PPP2R3A: variants seen among roughly 807,000 people sequenced by gnomAD.
PPP2R3A encodes serine/threonine-protein phosphatase 2A regulatory subunit B'' subunit alpha.
In PPP2R3A, 80 loss-of-function variants were observed where a neutral mutation model predicts 106.9. That is an observed-to-expected ratio of 0.75 (90% confidence interval 0.62 to 0.90). The LOEUF is 0.90. Among genes scored for constraint, PPP2R3A ranks in the 40% least tolerant of loss-of-function variants. The pLI, the probability that PPP2R3A is intolerant of heterozygous loss-of-function variation, is 0.00. For synonymous variants in PPP2R3A, 483 were observed against 468.3 expected, an observed-to-expected ratio of 1.03 and a Z score of -0.41; for missense variants, 1,386 against 1,350.4, an observed-to-expected ratio of 1.03 and a Z score of -0.41.
At chr3:136,096,209 C>T (rs1439698995) in intron 10 of PPP2R3A, among the ~76,000 whole-genome samples, 1 of 152,120 alleles carries the variant, frequency 6.6e-6, no homozygotes, top group African/African-American at 2.4e-5. Flanking sequence ...TAAGTCAAAC[C>T]ATCATAAGTC....
intron 1 of PPP2R3A, among the ~76,000 whole-genome samples, chr3:135,968,436 G>A (rs1937151681): frequency 6.6e-6 from 1 of 152,254 alleles, no homozygotes; most frequent in East Asian, 1.9e-4. Context: ...TGAAGCTCAC[G>A]GGAACAATAT....
intron 13 of PPP2R3A, among the ~76,000 whole-genome samples, chr3:136,138,136 T>G (rs1938699563): frequency 6.6e-6 from 1 of 152,230 alleles, no homozygotes; most frequent in African/African-American, 2.4e-5. Flanking sequence ...GAATTATTTT[T>G]TAATGCTTAA....
chr3:135,978,780 A>G (rs1013357538), intron 1 of PPP2R3A, among the ~76,000 whole-genome samples: 1 of 151,866 alleles, frequency 6.6e-6, no homozygotes, highest in African/African-American at 2.4e-5. Flanking sequence ...GTTATTTTGG[A>G]TGCTATAATA....
chr3:136,046,414 G>A (rs990108077), intron 4 of PPP2R3A, among the ~76,000 whole-genome samples: 1 of 150,902 alleles, frequency 6.6e-6, no homozygotes, highest in Non-Finnish European at 1.5e-5. Context: ...AGGTTGCGCT[G>A]TTGCACTCCA....
chr3:136,103,285 G>T lies in PPP2R3A; in HGVS notation c.3131G>T (p.Arg1044Met). 2 of 1,606,448 alleles carry T rather than the reference G, an allele frequency of 1.2e-6. No individual in the cohort carries two copies. Among genetic ancestry groups the T allele is most frequent in the South Asian group, 1.1e-5 (1 of 90,448 alleles). ...DGKITLRDLKRCRMAHIFYDT... is the reference protein window; with the variant it reads ...DGKITLRDLKMCRMAHIFYDT... Reference sequence around the variant, plus strand: ...AAAATAACTCTAAGAGATCTGAAGAGGTGCAGAATGGCTCACATCTTCTAT... The same window carrying T: ...AAAATAACTCTAAGAGATCTGAAGATGTGCAGAATGGCTCACATCTTCTAT... Residue 1044 changes from arginine (R) to methionine (M), a missense_variant, in exon 12 of 14, where the codon AGG (arginine) becomes ATG (methionine). Physicochemically the swap from Arg to Met is moderately conservative, Grantham distance 91 (BLOSUM62 -1). Transcript: ENST00000264977.
chr3:136,084,705 G>T (rs140763745), intron 8 of PPP2R3A, among the ~76,000 whole-genome samples: 1 of 152,340 alleles, frequency 6.6e-6, no homozygotes, highest in East Asian at 1.9e-4. Context: ...CACAGGGGTG[G>T]ACCTGCCCAA....
At chr3:135,989,989 C>CT (rs1434418196) in intron 1 of PPP2R3A, among the ~76,000 whole-genome samples, 3 of 152,152 alleles carry the variant, frequency 2.0e-5, no homozygotes, top group Non-Finnish European at 4.4e-5. Context: ...GTGATCTTTG[C>CT]TTTCCTCTTT....
chr3:136,077,843 A>G (rs1936646483), intron 6 of PPP2R3A, among the ~76,000 whole-genome samples: 1 of 152,224 alleles, frequency 6.6e-6, no homozygotes, highest in African/African-American at 2.4e-5. Flanking sequence ...AATAAAAGTT[A>G]GGATATAAAT....
At chr3:136,116,932 T>C (rs1270456754) in intron 13 of PPP2R3A, among the ~76,000 whole-genome samples, 1 of 152,200 alleles carries the variant, frequency 6.6e-6, no homozygotes, top group Non-Finnish European at 1.5e-5. Context: ...CAACAGAATA[T>C]ACATTCTCCT....
chr3:135,971,659 G>A lies in PPP2R3A; in HGVS notation c.-441+5810G>A, dbSNP rs139364157. Among the ~76,000 whole-genome samples the A allele has an allele frequency of 1.3e-3, 194 of 152,296 alleles. No homozygotes were observed. The Middle Eastern group carries it at 0.014, about 11-fold the overall frequency. ...TGGTTTATCAGTTAGGTGGATGATG[G>A]TTAACTTCTGTATAAAGGATGACTT... On this transcript the variant is annotated intron_variant, in intron 1 of 13. Coordinates refer to ENST00000264977, the MANE Select transcript of PPP2R3A (RefSeq NM_002718.5).
intron 2 of PPP2R3A, among the ~76,000 whole-genome samples, chr3:136,007,600 G>A (rs995624306): frequency 6.6e-6 from 1 of 151,570 alleles, no homozygotes; most frequent in African/African-American, 2.4e-5. Flanking sequence ...ACTTTATTGT[G>A]GGGGCAGAAA....
intron 13 of PPP2R3A, among the ~76,000 whole-genome samples, chr3:136,136,071 AAATTAT>A (rs1559940256): frequency 0.021 from 492 of 23,456 alleles, 20 homozygotes; most frequent in Non-Finnish European, 0.077. Context: ...AAAAAAAAAA[AAATTAT>A]ATATATATAT....
intron 1 of PPP2R3A, among the ~76,000 whole-genome samples, chr3:136,000,643 T>C (rs1933587282): frequency 6.6e-6 from 1 of 152,128 alleles, no homozygotes; most frequent in Admixed American, 6.5e-5. Context: ...TGCAGGGACA[T>C]AGTAGAAAAT....
intron 2 of PPP2R3A, among the ~76,000 whole-genome samples, chr3:136,025,156 C>G (rs1406285858): frequency 6.6e-6 from 1 of 152,116 alleles, no homozygotes; most frequent in Non-Finnish European, 1.5e-5. Flanking sequence ...CTGTTCTAAA[C>G]CTTTTACCTA....
chr3:135,976,379 C>A (rs1315711022), intron 1 of PPP2R3A, among the ~76,000 whole-genome samples: 1 of 152,170 alleles, frequency 6.6e-6, no homozygotes, highest in African/African-American at 2.4e-5. Context: ...CATGGTAGGT[C>A]AGTGAGCCAA....
At chr3:135,985,194 G>A (rs1298939431) in intron 1 of PPP2R3A, among the ~76,000 whole-genome samples, 1 of 152,006 alleles carries the variant, frequency 6.6e-6, no homozygotes, top group Non-Finnish European at 1.5e-5. Flanking sequence ...GCATGTATAA[G>A]TACTTTAAAA....
intron 4 of PPP2R3A, among the ~76,000 whole-genome samples, chr3:136,045,919 C>T (rs1336242613): frequency 9.9e-5 from 15 of 152,202 alleles, no homozygotes; most frequent in Admixed American, 9.8e-4. Context: ...CACAGTGACT[C>T]ATACCTGTAA....
chr3:136,131,285 T>C (rs189349303), intron 13 of PPP2R3A, among the ~76,000 whole-genome samples: 1 of 151,854 alleles, frequency 6.6e-6, no homozygotes, highest in East Asian at 1.9e-4. Flanking sequence ...AGGGCTAATA[T>C]CCAAAATCTA....
intron 2 of PPP2R3A, among the ~76,000 whole-genome samples, chr3:136,004,303 A>G (rs1418566725): frequency 6.6e-6 from 1 of 152,204 alleles, no homozygotes; most frequent in African/African-American, 2.4e-5. Context: ...TATAAGTCCA[A>G]CATGGGTTAG....
Sources: gnomAD v4.1 joint callset for allele counts (sites outside exome capture counted in the v4.1 genomes callset) on GRCh38, gnomAD v4.1.1 for gene constraint, MANE v1.5 for transcripts, NCBI Gene and HGNC (gene_info 2026-07-23, HGNC 2026-07-21) for gene names.